LOC128092252: variants seen among roughly 807,000 people sequenced by gnomAD.
At chr15:50,669,262 C>CATCTCTACTAAAAATA in the LOC128092252 span, among the ~76,000 whole-genome samples, 2,046 of 151,980 alleles carry the variant, frequency 0.013, 43 homozygotes, top group African/African-American at 0.047. Context: ...GCCAAGACCT[C>CATCTCTACTAAAAATA]ATCTCTACTA....
At chr15:50,668,221 A>T in the LOC128092252 span, among the ~76,000 whole-genome samples, 1 of 152,204 alleles carries the variant, frequency 6.6e-6, no homozygotes. Context: ...AAAGGAAAAA[A>T]CATTCAGGAC....
the LOC128092252 span, among the ~76,000 whole-genome samples, chr15:50,684,959 G>T: frequency 2.0e-5 from 3 of 152,186 alleles, no homozygotes; most frequent in Non-Finnish European, 4.4e-5. Context: ...TTTTAGGCAT[G>T]ATAATAATAT....
the LOC128092252 span, among the ~76,000 whole-genome samples, chr15:50,684,555 C>T: frequency 0.015 from 2,227 of 151,994 alleles, 61 homozygotes; most frequent in African/African-American, 0.051. Flanking sequence ...GCAGGAGAAT[C>T]ACTTGAACCC....
chr15:50,686,429 C>CCGCA, the LOC128092252 span: 1 of 1,594,900 alleles, frequency 6.3e-7, no homozygotes, highest in Non-Finnish European at 8.6e-7. Context: ...GGGTCCTTCG[C>CCGCA]CGCATGGAAC....
At chr15:50,659,211 A>C in the LOC128092252 span, among the ~76,000 whole-genome samples, 1 of 152,056 alleles carries the variant, frequency 6.6e-6, no homozygotes, top group Non-Finnish European at 1.5e-5. Flanking sequence ...AAAAAAAGAA[A>C]GAACAAACTA....
At chr15:50,666,757 G>A in the LOC128092252 span, among the ~76,000 whole-genome samples, 4 of 151,396 alleles carry the variant, frequency 2.6e-5, no homozygotes, top group Admixed American at 1.3e-4. Context: ...AGCCGAGATC[G>A]TGCCATTGCA....
At chr15:50,649,495 G>C in the LOC128092252 span, among the ~76,000 whole-genome samples, 1 of 151,384 alleles carries the variant, frequency 6.6e-6, no homozygotes, top group Non-Finnish European at 1.5e-5. Flanking sequence ...AAAGAGAAGT[G>C]AATGAACCAC....
At chr15:50,655,467 C>T in the LOC128092252 span, among the ~76,000 whole-genome samples, 2 of 149,280 alleles carry the variant, frequency 1.3e-5, no homozygotes, top group Non-Finnish European at 3.0e-5. Context: ...AAAAAACCTT[C>T]TCAATCAGGT....
the LOC128092252 span, chr15:50,686,382 C>G: frequency 7.4e-7 from 1 of 1,348,440 alleles, no homozygotes; most frequent in Non-Finnish European, 1.1e-6. Flanking sequence ...CACACCCGTC[C>G]CGAGAGGACA....
At chr15:50,680,103 G>A in the LOC128092252 span, among the ~76,000 whole-genome samples, 44 of 151,886 alleles carry the variant, frequency 2.9e-4, no homozygotes, top group African/African-American at 7.7e-4. Context: ...GCATGGTGGC[G>A]GGTGCCTGTA....
chr15:50,648,819 T>C, the LOC128092252 span: 1 of 1,613,280 alleles, frequency 6.2e-7, no homozygotes, highest in Non-Finnish European at 8.5e-7. Context: ...ATTTCACATC[T>C]GAGTATTTCA....
At chr15:50,677,481 C>G in the LOC128092252 span, among the ~76,000 whole-genome samples, 1 of 152,154 alleles carries the variant, frequency 6.6e-6, no homozygotes, top group African/African-American at 2.4e-5. Context: ...TGGCTCACAC[C>G]TATAATCCCA....
the LOC128092252 span, among the ~76,000 whole-genome samples, chr15:50,658,551 G>A: frequency 8.4e-4 from 124 of 146,928 alleles, no homozygotes; most frequent in African/African-American, 2.9e-3. Context: ...CAGCCTGGGC[G>A]AAAGAGCGAG....
chr15:50,680,351 A>G, the LOC128092252 span, among the ~76,000 whole-genome samples: 2 of 152,146 alleles, frequency 1.3e-5, no homozygotes, highest in African/African-American at 4.8e-5. Flanking sequence ...GGCCAGCCTG[A>G]GCAACATGCC....
At chr15:50,650,173 A>G in the LOC128092252 span, among the ~76,000 whole-genome samples, 16 of 132,796 alleles carry the variant, frequency 1.2e-4, no homozygotes, top group African/African-American at 4.7e-4. Context: ...AGCCTGGGTG[A>G]AAGAGTGAGA....
chr15:50,661,919 CAGAAAAA>C, the LOC128092252 span, among the ~76,000 whole-genome samples: 1 of 152,012 alleles, frequency 6.6e-6, no homozygotes, highest in Non-Finnish European at 1.5e-5. Flanking sequence ...CTTTAGGCCT[CAGAAAAA>C]AGAAAAATTT....
the LOC128092252 span, among the ~76,000 whole-genome samples, chr15:50,649,344 T>G: frequency 6.7e-6 from 1 of 150,278 alleles, no homozygotes; most frequent in Non-Finnish European, 1.5e-5. Context: ...GAGACTAAGG[T>G]GGGAGGCTTG....
chr15:50,677,469 G>A, the LOC128092252 span, among the ~76,000 whole-genome samples: 616 of 151,902 alleles, frequency 4.1e-3, 5 homozygotes, highest in African/African-American at 0.014. Context: ...GGCTGGGCGT[G>A]GTGGCTCACA....
At chr15:50,660,886 A>G in the LOC128092252 span, among the ~76,000 whole-genome samples, 1 of 152,234 alleles carries the variant, frequency 6.6e-6, no homozygotes, top group Non-Finnish European at 1.5e-5. Flanking sequence ...TAAATTTTAA[A>G]TGGCTAAAAA....
Sources: gnomAD v4.1 joint callset for allele counts (sites outside exome capture counted in the v4.1 genomes callset) on GRCh38, gnomAD v4.1.1 for gene constraint, MANE v1.5 for transcripts.